CTPS1: variants seen among roughly 807,000 people sequenced by gnomAD.
CTPS1 encodes the protein CTP synthase 1.
In CTPS1, 25 loss-of-function variants were observed where a neutral mutation model predicts 80.5. The observed-to-expected ratio is 0.31, with a 90% CI of 0.23 to 0.43. The LOEUF (loss-of-function observed/expected upper bound fraction) is 0.43, where lower values mean the gene tolerates loss of function less well. Among genes scored for constraint, CTPS1 ranks in the 20% least tolerant of loss-of-function variants. CTPS1 has a pLI of 1.00. For missense variants in CTPS1, 442 were observed against 725.7 expected (o/e 0.61, Z 4.49); for synonymous variants, 267 against 252.5 (o/e 1.06, Z -0.54).
chr1:41,003,739 C>A (rs780724263), intron 12 of CTPS1, among the ~76,000 whole-genome samples: 5 of 152,212 alleles, frequency 3.3e-5, no homozygotes, highest in Non-Finnish European at 7.3e-5. Context: ...CTTCGCCTAG[C>A]TGTGTATTAC....
intron 1 of CTPS1, chr1:40,980,502 C>G (rs1294776881): frequency 1.3e-5 from 2 of 152,194 alleles, no homozygotes; most frequent in Non-Finnish European, 2.9e-5. Context: ...GTTACAGTTT[C>G]GAATCCTCAG....
chr1:41,010,238 A>G lies in CTPS1; in HGVS notation c.1769A>G (p.His590Arg), dbSNP rs755468825. ...ITELKFPSINHD is the reference protein window; with the variant it reads ...ITELKFPSINRD Reference sequence around the variant, plus strand: ...GAACTGAAGTTTCCATCAATAAATCATGACTGATCTTGTAGCGTAAGTGGT... The same window carrying G: ...GAACTGAAGTTTCCATCAATAAATCGTGACTGATCTTGTAGCGTAAGTGGT... Residue 590 changes from histidine to arginine, a missense_variant, in exon 18 of 19, where the codon CAT (histidine) becomes CGT (arginine). Around this residue, in one of 4 missense-constraint regions of CTPS1, gnomAD observed 321 missense variants for 467.2 expected, o/e 0.69. Transcript: ENST00000650070. 55 of 1,612,140 alleles carry G rather than the reference A, an allele frequency of 3.4e-5. No homozygotes were observed. In the Middle Eastern group the frequency reaches 9.9e-4, roughly 29 times the overall value.
chr1:40,987,542 A>G, intron 4 of CTPS1, 70 bp downstream of exon 4: 1 of 1,152,724 alleles, frequency 8.7e-7, no homozygotes, highest in Non-Finnish European at 1.3e-6. Context: ...AACTGATAAG[A>G]CAGTTCCCAG....
At chr1:40,987,724 G>A (rs971155660) in intron 4 of CTPS1, among the ~76,000 whole-genome samples, 4 of 152,180 alleles carry the variant, frequency 2.6e-5, no homozygotes, top group African/African-American at 9.7e-5. Context: ...CCCATGAGTA[G>A]TGTGACACAT....
chr1:41,009,488 G>C lies in CTPS1; in HGVS notation c.1590G>C (p.Leu530=), dbSNP rs140798858. The C allele has an allele frequency of 2.3e-4, 376 of 1,612,662 alleles. No individual in the cohort carries two copies. The African/African-American group carries it at 4.3e-3, about 18-fold the overall frequency. ...FVGVQYHPEF[L]SRPIKPSPPY... ...GGGTTCAGTACCACCCTGAGTTCCTGTCCAGGCCTATCAAGCCCTCCCCAC... is the reference window on the plus strand; with the variant it reads ...GGGTTCAGTACCACCCTGAGTTCCTCTCCAGGCCTATCAAGCCCTCCCCAC... The change falls in exon 17 of 19, where the codon CTG becomes CTC. Residue 530 remains leucine, a synonymous_variant. Coordinates refer to ENST00000650070, the MANE Select transcript of CTPS1 (RefSeq NM_001905.4).
At chr1:40,997,933 C>T (rs181019724) in intron 9 of CTPS1, among the ~76,000 whole-genome samples, 127 of 152,248 alleles carry the variant, frequency 8.3e-4, no homozygotes, top group Non-Finnish European at 1.3e-3. Flanking sequence ...GTGGGAATGA[C>T]AGTATTGACC....
chr1:41,004,010 C>G (rs1213313620), intron 12 of CTPS1: 1 of 152,254 alleles, frequency 6.6e-6, no homozygotes, highest in African/African-American at 2.4e-5. Flanking sequence ...AAATGACAGG[C>G]CTGTTATGCA....
Position 41,009,554 on chromosome 1 carries a change from A to C in CTPS1, c.1656A>C (p.Ser552=). The C allele has an allele frequency of 6.2e-7, 1 of 1,614,016 alleles. No individual in the cohort carries two copies. The highest frequency in any genetic ancestry group is 8.5e-7 in the Non-Finnish European group (1 of 1,180,008). Residue 552 remains serine, a synonymous_variant, in exon 17 of 19, where the codon TCA becomes TCC. Coordinates refer to ENST00000650070, the MANE Select transcript of CTPS1 (RefSeq NM_001905.4). ...TCCTGGCCTCTGTGGGGCGGCTCTCACATTACCTCCAGAAAGGCTGCAGGC... is the reference window on the plus strand; with the variant it reads ...TCCTGGCCTCTGTGGGGCGGCTCTCCCATTACCTCCAGAAAGGCTGCAGGC... The part of the protein sequence containing the change: ...GLLLASVGRL[S]HYLQKGCRLS...
intron 9 of CTPS1, among the ~76,000 whole-genome samples, chr1:40,999,368 A>G (rs1642841138): frequency 6.6e-6 from 1 of 152,222 alleles, no homozygotes. Context: ...AACTAACTGC[A>G]GGGTTTAGGT....
chr1:40,997,091 T>G (rs1056140224), intron 8 of CTPS1: 1 of 267,812 alleles, frequency 3.7e-6, no homozygotes. Flanking sequence ...ACTCAGATAA[T>G]AGCTATTCCC....
chr1:40,981,520 T>C (rs1642290358), intron 1 of CTPS1, among the ~76,000 whole-genome samples: 1 of 152,172 alleles, frequency 6.6e-6, no homozygotes. Flanking sequence ...GGTTAGAACA[T>C]ATCTAAAATG....
At chr1:40,986,537 C>G (rs191563483) in intron 3 of CTPS1, among the ~76,000 whole-genome samples, 1 of 152,348 alleles carries the variant, frequency 6.6e-6, no homozygotes, top group East Asian at 1.9e-4. Flanking sequence ...TAAAAGATCA[C>G]TTTGACGCCA....
rs1288011239 is a variant in CTPS1 at position 41,007,478 on chromosome 1, G to A, written c.1326G>A (p.Gly442=). The A allele has an allele frequency of 8.1e-6, 13 of 1,614,144 alleles. No individual in the cohort carries two copies. The highest frequency in any genetic ancestry group is 1.1e-5 in the Non-Finnish European group (13 of 1,180,044). ...TAGACATGCCAGAACACAACCCAGG[G>A]CAGATGGGCGGAACCATGAGGCTGG... ...VVVDMPEHNP[G]QMGGTMRLGK... The change falls in exon 14 of 19, where the codon GGG becomes GGA. Residue 442 remains glycine (G), a synonymous_variant. Transcript: ENST00000650070. This position sits in a 1 kb window ranked among gnomAD's most constrained non-coding sequence, Gnocchi z 4.4.
intron 5 of CTPS1, among the ~76,000 whole-genome samples, chr1:40,990,684 G>A (rs936344674): frequency 6.6e-5 from 10 of 152,104 alleles, no homozygotes; most frequent in African/African-American, 2.2e-4. Flanking sequence ...TGTGTAACGT[G>A]TATCTGTTAA....
chr1:40,996,101 C>G, intron 8 of CTPS1, 33 bp downstream of exon 8: 1 of 1,612,996 alleles, frequency 6.2e-7, no homozygotes, highest in Non-Finnish European at 8.5e-7. Context: ...GGAGTGCTAG[C>G]CTCCTTTACT....
rs1642888487 is a variant in CTPS1, at chr1:41,000,938, C to G, written c.1006-91C>G. On this transcript the variant is annotated intron_variant, in intron 9 of 18. Transcript: ENST00000650070. ...TTAAAGCCAGAATCAAGAAAGACAA[C>G]TTTGATAAAATGATAATATTATTTA... is the stretch of plus-strand genomic sequence containing the variant. The G allele has an allele frequency of 6.5e-6, 5 of 772,124 alleles. No homozygotes were observed. In the South Asian group the frequency reaches 1.2e-4, roughly 18 times the overall value. 47.8% of individuals were successfully genotyped at this position (772,124 alleles called of 1,614,324 possible).
chr1:41,005,988 C>A, intron 12 of CTPS1, 63 bp from the exon 13 acceptor site: 1 of 1,309,806 alleles, frequency 7.6e-7, no homozygotes, highest in Non-Finnish European at 1.1e-6. Flanking sequence ...TAGAGCTTAG[C>A]AATGAAACTA....
intron 7 of CTPS1, among the ~76,000 whole-genome samples, chr1:40,993,421 C>T (rs1298317926): frequency 6.6e-6 from 1 of 151,908 alleles, no homozygotes; most frequent in Non-Finnish European, 1.5e-5. Flanking sequence ...GCTGTCACAG[C>T]TCACTGCAGC....
chr1:40,983,237 T>G, intron 1 of CTPS1, 41 bp from the exon 2 acceptor site: 20 of 1,560,578 alleles, frequency 1.3e-5, no homozygotes, highest in Non-Finnish European at 1.7e-5. Context: ...TTTGGTTTGT[T>G]GAGATACATT....
Sources: allele counts gnomAD v4.1 joint callset (sites outside exome capture counted in the v4.1 genomes callset), GRCh38; gene constraint gnomAD v4.1.1; regional missense constraint gnomAD v4.1.1; non-coding constraint Gnocchi (gnomAD v3.1); transcripts MANE v1.5; gene names NCBI Gene and HGNC (gene_info 2026-07-23, HGNC 2026-07-21).